The following SLC22A15 variants were observed in gnomAD, a reference collection of about 807,000 sequenced individuals.
The protein encoded by SLC22A15 is flipt 1.
Under a neutral mutation model 62.7 loss-of-function variants are expected in SLC22A15, and 45 were observed. That is an observed-to-expected ratio of 0.72 (90% CI 0.56 to 0.92). The LOEUF (loss-of-function observed/expected upper bound fraction) is 0.92. Among genes scored for constraint, SLC22A15 ranks in the 40% least tolerant of loss-of-function variants. The pLI is 0.00. For missense variants in SLC22A15, 622 were observed against 665.6 expected, an observed-to-expected ratio of 0.93 and a Z score of 0.72; for synonymous variants, 264 against 267.0, an observed-to-expected ratio of 0.99 and a Z score of 0.11.
chr1:115,993,459 C>CTG (rs1655258747), intron 2 of SLC22A15, among the ~76,000 whole-genome samples: 1 of 140,364 alleles, frequency 7.1e-6, no homozygotes, highest in African/African-American at 2.7e-5. Context: ...GTGTGTGTGT[C>CTG]TGTCTGTCTG....
Position 116,037,284 on chromosome 1 carries a change from A to C in SLC22A15, c.1086-19A>C. On this transcript the variant is annotated intron_variant, in intron 7 of 11. Transcript: ENST00000369503. ...ATAAGGTTCTTAAGAGAACTGTGTA[A>C]TTTCTTTCTATTGTTTAGGTTTGGT... The C allele has an allele frequency of 6.2e-7, 1 of 1,602,030 alleles. No individual in the cohort carries two copies. The highest frequency in any genetic ancestry group is 2.2e-5 in the East Asian group (1 of 44,792).
intron 8 of SLC22A15, among the ~76,000 whole-genome samples, chr1:116,057,150 C>T (rs1185993442): frequency 6.6e-6 from 1 of 151,740 alleles, no homozygotes; most frequent in Non-Finnish European, 1.5e-5. Flanking sequence ...TTTTCGCAAC[C>T]TACTCATCTG....
At chr1:116,049,963 AAC>A in intron 8 of SLC22A15, among the ~76,000 whole-genome samples, 1 of 152,184 alleles carries the variant, frequency 6.6e-6, no homozygotes, top group Non-Finnish European at 1.5e-5. Context: ...GGCTACTATG[AAC>A]ACCTTCACAC....
In SLC22A15 at chr1:116,028,464, A is replaced by G. The variant is rs543483768; in HGVS notation, c.728+1442A>G. 3.4e-5 allele frequency among the ~76,000 whole-genome samples: 5 copies of G among 148,422 alleles called. 1 individual carries two copies. In the Admixed American group the frequency reaches 3.4e-4, roughly 10 times the overall value. On this transcript the variant is annotated intron_variant, in intron 5 of 11. Transcript: ENST00000369503. Reference sequence around the variant, plus strand: ...TACTTCTCCATCTTATCTGGCTTTCATCTCCCCGTTAATAGTATAATAGTA... The same window carrying G: ...TACTTCTCCATCTTATCTGGCTTTCGTCTCCCCGTTAATAGTATAATAGTA...
chr1:116,056,463 G>C (rs933978474), intron 8 of SLC22A15, among the ~76,000 whole-genome samples: 10 of 151,070 alleles, frequency 6.6e-5, no homozygotes, highest in South Asian at 2.1e-4. Context: ...TCAATATCAT[G>C]AAAATGGCCA....
In SLC22A15 at chr1:116,026,893, G is replaced by T. The variant is rs765142423; in HGVS notation, c.599G>T (p.Gly200Val). The change falls in exon 5 of 12, where the codon GGA becomes GTA. Residue 200 changes from glycine to valine, a missense_variant and splice_region_variant. Gly to Val is a moderately radical substitution (Grantham distance 109). Transcript: ENST00000369503. ...CVGTAYWALA[G>V]SIGGLFFAVG... ...GACAGTTCTCTTTTCCCTGAATTAG[G>T]ATCGATTGGCGGCCTGTTCTTTGCA... is the stretch of plus-strand genomic sequence containing the variant. 1 of 1,612,732 alleles carries T rather than the reference G, an allele frequency of 6.2e-7. No individual in the cohort carries two copies. Among genetic ancestry groups the T allele is most frequent in the South Asian group, 1.1e-5 (1 of 90,998 alleles).
At chr1:116,023,851 A>G (rs1016670658) in intron 4 of SLC22A15, among the ~76,000 whole-genome samples, 9 of 152,110 alleles carry the variant, frequency 5.9e-5, no homozygotes, top group African/African-American at 1.7e-4. Context: ...TGGGAGAAGT[A>G]TATTCTAGCT....
chr1:116,041,158 G>A (rs2101492583), intron 8 of SLC22A15, among the ~76,000 whole-genome samples: 1 of 152,290 alleles, frequency 6.6e-6, no homozygotes, highest in African/African-American at 2.4e-5. Flanking sequence ...TAGTGAAGGA[G>A]TGTCCTTAGA....
chr1:115,988,652 C>A (rs572449277), intron 1 of SLC22A15, among the ~76,000 whole-genome samples: 1 of 151,654 alleles, frequency 6.6e-6, no homozygotes, highest in Non-Finnish European at 1.5e-5. Context: ...TCCCAAGTAG[C>A]TGGGATTACA....
chr1:116,024,750 CAT>C (rs2101367805), intron 4 of SLC22A15, among the ~76,000 whole-genome samples: 1 of 152,242 alleles, frequency 6.6e-6, no homozygotes, highest in African/African-American at 2.4e-5. Flanking sequence ...GCTTCCTCTG[CAT>C]AGTCACAGAC....
chr1:116,024,138 A>G (rs1190408014), intron 4 of SLC22A15, among the ~76,000 whole-genome samples: 1 of 152,246 alleles, frequency 6.6e-6, no homozygotes, highest in Non-Finnish European at 1.5e-5. Flanking sequence ...ATCATTTAGT[A>G]GGCTGCTATA....
intron 8 of SLC22A15, among the ~76,000 whole-genome samples, chr1:116,050,715 C>T (rs1658030478): frequency 6.6e-6 from 1 of 152,122 alleles, no homozygotes; most frequent in Non-Finnish European, 1.5e-5. Context: ...ACTGGAAGTC[C>T]TAACCAGAGC....
In SLC22A15 at chr1:115,992,205, G is replaced by C. The variant is rs762596721; in HGVS notation, c.262G>C (p.Val88Leu). ...CAACGGCAGTGAGATCCATAAGCAC[G>C]TGCATTTCAGCAGCAGCTTCACCTC... ...TANGSEIHKH[V>L]HFSSSFTSIA... is the part of the protein sequence containing the mutation. Residue 88 changes from valine (V) to leucine (L), a missense_variant, in exon 2 of 12, where the codon GTG becomes CTG. Transcript: ENST00000369503. The C allele has an allele frequency of 8.1e-6, 13 of 1,604,974 alleles. No homozygotes were observed. Among genetic ancestry groups the C allele is most frequent in the Admixed American group, 3.4e-5 (2 of 58,522 alleles).
At chr1:116,014,415 A>G (rs1362093460) in intron 2 of SLC22A15, among the ~76,000 whole-genome samples, 1 of 152,226 alleles carries the variant, frequency 6.6e-6, no homozygotes, top group Non-Finnish European at 1.5e-5. Flanking sequence ...TTGAAAATAG[A>G]GTATATTGAA....
intron 2 of SLC22A15, among the ~76,000 whole-genome samples, chr1:116,000,954 G>C (rs963347052): frequency 6.6e-6 from 1 of 152,006 alleles, no homozygotes; most frequent in African/African-American, 2.4e-5. Context: ...ATTTCTTATT[G>C]CTCATTAATG....
chr1:116,060,918 G>A (rs1658365016), intron 8 of SLC22A15, among the ~76,000 whole-genome samples: 1 of 152,018 alleles, frequency 6.6e-6, no homozygotes, highest in African/African-American at 2.4e-5. Context: ...GCAGAGTCTG[G>A]ACTACTCTGT....
In SLC22A15 at chr1:116,064,428, C is replaced by A; in HGVS notation, c.1293-8C>A. Reference sequence around the variant, plus strand: ...ACTTACTGATGTATTTTTACTTATGCTTTTCAGGAATGTTGGGCTTGGAAC... The same window carrying A: ...ACTTACTGATGTATTTTTACTTATGATTTTCAGGAATGTTGGGCTTGGAAC... On this transcript the variant is annotated splice_polypyrimidine_tract_variant and splice_region_variant and intron_variant, in intron 9 of 11. Transcript: ENST00000369503. 1.9e-6 allele frequency: 3 copies of A among 1,610,086 alleles called. No individual in the cohort carries two copies. Among genetic ancestry groups the A allele is most frequent in the Non-Finnish European group, 2.5e-6 (3 of 1,176,528 alleles).
intron 1 of SLC22A15, among the ~76,000 whole-genome samples, chr1:115,989,674 G>A (rs1317236303): frequency 3.9e-5 from 6 of 152,036 alleles, no homozygotes; most frequent in African/African-American, 1.2e-4. Context: ...CCAGCTACTC[G>A]GGAGGCCGAG....
intron 2 of SLC22A15, among the ~76,000 whole-genome samples, chr1:116,014,521 A>G (rs1656430454): frequency 6.6e-6 from 1 of 152,234 alleles, no homozygotes; most frequent in Non-Finnish European, 1.5e-5. Flanking sequence ...TTTTGTCTTT[A>G]TAGTCCTCCT....
Sources: allele counts gnomAD v4.1 joint callset (sites outside exome capture counted in the v4.1 genomes callset), GRCh38; gene constraint gnomAD v4.1.1; transcripts MANE v1.5; gene names NCBI Gene and HGNC (gene_info 2026-07-23, HGNC 2026-07-21).